Variants in NDUFAB1 observed in about 807,000 individuals in gnomAD.
NDUFAB1 encodes the protein acyl carrier protein, mitochondrial.
NDUFAB1 carries 5 observed loss-of-function variants against 16.1 expected under a neutral mutation model. That is an observed-to-expected ratio of 0.31 (90% CI 0.16 to 0.65). The LOEUF (loss-of-function observed/expected upper bound fraction) is 0.65, where lower values mean the gene tolerates loss of function less well. Ranked by LOEUF, NDUFAB1 falls within the 30% of genes least tolerant of loss-of-function variation. The pLI is 0.77. For synonymous variants in NDUFAB1, 85 were observed against 78.4 expected (o/e 1.08, Z -0.44); for missense variants, 187 against 205.3 (o/e 0.91, Z 0.54).
intron 1 of NDUFAB1, chr16:23,595,469 C>T: frequency 2.4e-6 from 1 of 420,738 alleles, no homozygotes; most frequent in South Asian, 1.7e-5. Context: ...ATAGGAAGAG[C>T]CTGCCCTCCT....
intron 3 of NDUFAB1, 54 bp from the exon 4 acceptor site, chr16:23,582,429 G>T: frequency 6.8e-7 from 1 of 1,480,196 alleles, no homozygotes; most frequent in South Asian, 1.4e-5. Flanking sequence ...AAATCCTTTA[G>T]AACTGAACAC....
At chr16:23,594,103 C>G (rs753770236) in intron 1 of NDUFAB1, among the ~76,000 whole-genome samples, 7 of 151,352 alleles carry the variant, frequency 4.6e-5, no homozygotes, top group Non-Finnish European at 7.4e-5. Flanking sequence ...GGATGGTCTC[C>G]ATCTCCTGAC....
rs202126565 is a variant in NDUFAB1, at chr16:23,594,605, G to A, written c.168+1518C>T. Among the ~76,000 whole-genome samples the A allele has an allele frequency of 4.8e-4, 73 of 152,118 alleles. No homozygotes were observed. In the East Asian group the frequency reaches 7.5e-3, roughly 16 times the overall value. On this transcript the variant is annotated intron_variant, in intron 1 of 4. Transcript: ENST00000007516. Reference sequence around the variant, plus strand: ...CTGACCTCGTGATCCGCCCGCCTCGGCATCCCAAAGTGCTGGGATTACAGG... The same window carrying A: ...CTGACCTCGTGATCCGCCCGCCTCGACATCCCAAAGTGCTGGGATTACAGG...
At chr16:23,589,311 A>C (rs1394711193) in intron 1 of NDUFAB1, among the ~76,000 whole-genome samples, 1 of 152,146 alleles carries the variant, frequency 6.6e-6, no homozygotes, top group East Asian at 1.9e-4. Context: ...AAAAAAAAAA[A>C]AAAATCAGGT....
rs564851185 is a variant in NDUFAB1, at chr16:23,591,773, C to G, written c.168+4350G>C. ...AGTGCCAGGCTCTTCCTGGCCTCTG[C>G]ACAGGCCTTCAAGATCACGTTCACT... On this transcript the variant is annotated intron_variant, in intron 1 of 4. Transcript: ENST00000007516. Among the ~76,000 whole-genome samples the G allele has an allele frequency of 7.9e-5, 12 of 152,310 alleles. No individual in the cohort carries two copies. The South Asian group carries it at 8.3e-4, about 11-fold the overall frequency.
intron 1 of NDUFAB1, among the ~76,000 whole-genome samples, chr16:23,590,178 A>T (rs1966267386): frequency 6.6e-6 from 1 of 152,166 alleles, no homozygotes; most frequent in East Asian, 1.9e-4. Context: ...GCAAGTACCT[A>T]CAAGGGCCAG....
At chr16:23,584,610 T>G (rs570099470) in intron 3 of NDUFAB1, among the ~76,000 whole-genome samples, 7 of 152,104 alleles carry the variant, frequency 4.6e-5, no homozygotes, top group Non-Finnish European at 7.3e-5. Flanking sequence ...CCTACTATTA[T>G]CACCCCCACT....
At chr16:23,582,725 GTCTCCC>G (rs1298879925) in intron 3 of NDUFAB1, among the ~76,000 whole-genome samples, 49 of 146,586 alleles carry the variant, frequency 3.3e-4, no homozygotes, top group Middle Eastern at 7.4e-3. Context: ...TCTCCCCACG[GTCTCCC>G]TCTCCCTCTC....
chr16:23,585,201 G>A, intron 3 of NDUFAB1, 135 bp downstream of exon 3: 2 of 650,328 alleles, frequency 3.1e-6, no homozygotes, highest in Non-Finnish European at 5.5e-6. Context: ...GCAGGAAGGT[G>A]TGTGTGAAGG....
rs114949056 is a variant in NDUFAB1, at chr16:23,595,375, T to C, written c.168+748A>G. ...TACAGGTACAGTCGTTCCTTGGTAT[T>C]TGCGCAGATTGGTTCCAGGACCCCC... On this transcript the variant is annotated intron_variant, in intron 1 of 4. Coordinates refer to ENST00000007516, the MANE Select transcript of NDUFAB1 (RefSeq NM_005003.3). The C allele has an allele frequency of 1.4e-3, 494 of 359,462 alleles. 2 individuals carry two copies. Among genetic ancestry groups the C allele is most frequent in the African/African-American group, 9.8e-3 (458 of 46,810 alleles). 22.3% of individuals were successfully genotyped at this position (359,462 alleles called of 1,614,324 possible).
chr16:23,583,661 C>T (rs1390818428), intron 3 of NDUFAB1, among the ~76,000 whole-genome samples: 1 of 115,482 alleles, frequency 8.7e-6, no homozygotes, highest in Non-Finnish European at 1.8e-5. Flanking sequence ...GCCCGGCAGC[C>T]GCCCCGTCTG....
chr16:23,596,041 G>T, intron 1 of NDUFAB1, 82 bp downstream of exon 1: 1 of 1,488,874 alleles, frequency 6.7e-7, no homozygotes, highest in Non-Finnish European at 9.0e-7. Context: ...TGCAGCTGGC[G>T]CGCCCCGGAT....
In NDUFAB1 at chr16:23,596,129, G is replaced by C. The variant is rs1287926566; in HGVS notation, c.162C>G (p.Leu54=). ...RLGTLQPALV[L]AQVPGRVTQL... ...CAAAGTCACCACGAGTCACCTGCGC[G>C]AGCACTAAGGCCGGCTGCAAAGTCC... The change falls in exon 1 of 5, where the codon CTC becomes CTG. Residue 54 remains leucine, a synonymous_variant. Transcript: ENST00000007516. 40 of 1,606,466 alleles carry C rather than the reference G, an allele frequency of 2.5e-5. No individual in the cohort carries two copies. The highest frequency in any genetic ancestry group is 3.4e-5 in the Non-Finnish European group (40 of 1,177,058).
intron 3 of NDUFAB1, among the ~76,000 whole-genome samples, chr16:23,584,255 TAAAA>T (rs58853102): frequency 0.063 from 2,159 of 34,072 alleles, 343 homozygotes; most frequent in Non-Finnish European, 0.095. Context: ...AATGATCAAT[TAAAA>T]AAAAAAAAAA....
chr16:23,584,465 T>C (rs898013358), intron 3 of NDUFAB1, among the ~76,000 whole-genome samples: 3 of 151,624 alleles, frequency 2.0e-5, no homozygotes, highest in African/African-American at 7.2e-5. Context: ...ACGTCACCCA[T>C]GCATTTTTTT....
chr16:23,587,542 C>G (rs1213572638), intron 1 of NDUFAB1, among the ~76,000 whole-genome samples: 1 of 152,228 alleles, frequency 6.6e-6, no homozygotes, highest in Non-Finnish European at 1.5e-5. Flanking sequence ...GGAGTCAGGA[C>G]CGGCCCCTCT....
intron 3 of NDUFAB1, among the ~76,000 whole-genome samples, chr16:23,582,724 G>A (rs1375618025): frequency 6.7e-6 from 1 of 148,246 alleles, no homozygotes; most frequent in African/African-American, 2.5e-5. Flanking sequence ...CTCTCCCCAC[G>A]GTCTCCCTCT....
intron 1 of NDUFAB1, among the ~76,000 whole-genome samples, chr16:23,587,544 G>A (rs778387605): frequency 3.3e-5 from 5 of 152,154 alleles, no homozygotes; most frequent in Admixed American, 1.3e-4. Flanking sequence ...AGTCAGGACC[G>A]GCCCCTCTGC....
In NDUFAB1 at chr16:23,587,291, C is replaced by T. The variant is rs747069424; in HGVS notation, c.197G>A (p.Arg66His). 2.1e-5 allele frequency: 34 copies of T among 1,613,874 alleles called. No homozygotes were observed. Among genetic ancestry groups the T allele is most frequent in the African/African-American group, 2.7e-5 (2 of 74,896 alleles). The change falls in exon 2 of 5, where the codon CGC (arginine) becomes CAC (histidine). Residue 66 changes from arginine (R) to histidine (H), a missense_variant. Transcript: ENST00000007516. Reference sequence around the variant, plus strand: ...CAAAGGAGGCATGTCGCTATACTGGCGGCACAACTGTGTAACTCTACCAGG... The same window carrying T: ...CAAAGGAGGCATGTCGCTATACTGGTGGCACAACTGTGTAACTCTACCAGG... Reference protein sequence around the residue: ...QVPGRVTQLCRQYSDMPPLTL... With the variant: ...QVPGRVTQLCHQYSDMPPLTL...
Sources: gnomAD v4.1 joint callset for allele counts (sites outside exome capture counted in the v4.1 genomes callset) on GRCh38, gnomAD v4.1.1 for gene constraint, MANE v1.5 for transcripts, NCBI Gene and HGNC (gene_info 2026-07-23, HGNC 2026-07-21) for gene names.